Variants in ABCB5 observed in about 807,000 individuals in gnomAD.
The protein encoded by ABCB5 is ATP binding cassette subfamily B member 5.
In ABCB5, 155 loss-of-function variants were observed where a neutral mutation model predicts 144.2. The ratio of observed to expected loss-of-function variants is 1.08; its 90% CI spans 0.94 to 1.23. The LOEUF (loss-of-function observed/expected upper bound fraction) is 1.23, where lower values mean the gene tolerates loss of function less well. Among genes scored for constraint, ABCB5 ranks in the 50% most tolerant of loss-of-function variants. ABCB5 has a pLI of 0.00. For missense variants in ABCB5, 1,830 were observed against 1,520.8 expected, an observed-to-expected ratio of 1.20 and a Z score of -3.38; for synonymous variants, 610 against 528.6, an observed-to-expected ratio of 1.15 and a Z score of -2.11.
rs1784541675 is a variant in ABCB5 at position 20,650,265 on chromosome 7, G to A, written c.1332+118G>A. Reference sequence around the variant, plus strand: ...GTAGAGCTGGGAGAGAAGCCATATTGTTTTCTTTCCTTTGTATCCATTCAC... The same window carrying A: ...GTAGAGCTGGGAGAGAAGCCATATTATTTTCTTTCCTTTGTATCCATTCAC... On this transcript the variant is annotated intron_variant, in intron 12 of 27. Transcript: ENST00000404938. 9 of 1,331,966 alleles carry A rather than the reference G, an allele frequency of 6.8e-6. No individual in the cohort carries two copies. In the Admixed American group the frequency reaches 1.0e-4, roughly 15 times the overall value. 82.5% of individuals were successfully genotyped at this position (1,331,966 alleles called of 1,614,324 possible).
chr7:20,722,532 T>G (rs901749843), intron 20 of ABCB5, among the ~76,000 whole-genome samples: 3 of 152,212 alleles, frequency 2.0e-5, no homozygotes, highest in African/African-American at 4.8e-5. Flanking sequence ...ATCTCAATAT[T>G]GGACATCAAG....
At chr7:20,627,883 G>A (rs1783944586) in intron 3 of ABCB5, among the ~76,000 whole-genome samples, 1 of 152,232 alleles carries the variant, frequency 6.6e-6, no homozygotes, top group African/African-American at 2.4e-5. Context: ...TATTGTTGTT[G>A]CAGTCTTCAG....
intron 26 of ABCB5, among the ~76,000 whole-genome samples, chr7:20,749,581 A>G (rs1201171539): frequency 6.6e-6 from 1 of 151,860 alleles, no homozygotes; most frequent in African/African-American, 2.4e-5. Flanking sequence ...GCTACTGAGC[A>G]TTTCTTTGCA....
At chr7:20,618,839 A>G (rs1294643382) in intron 1 of ABCB5, among the ~76,000 whole-genome samples, 2 of 124,652 alleles carry the variant, frequency 1.6e-5, no homozygotes, top group Non-Finnish European at 3.1e-5. Context: ...CAGTGGCACG[A>G]TCTCAGCTCA....
rs1785975434 is a variant in ABCB5 at position 20,685,826 on chromosome 7, A to T, written c.2000A>T (p.Gln667Leu). The change falls in exon 16 of 28, where the codon CAA becomes CTA. Residue 667 changes from glutamine (Q) to leucine (L), a missense_variant. Coordinates refer to ENST00000404938, the MANE Select transcript of ABCB5 (RefSeq NM_001163941.2). Reference sequence around the variant, plus strand: ...ATTGACAAGGCTGAGGAATCCACCCAATCTAAAGAGGTAATGGCTCAGCGA... The same window carrying T: ...ATTGACAAGGCTGAGGAATCCACCCTATCTAAAGAGGTAATGGCTCAGCGA... ...DFIDKAEEST[Q>L]SKEISLPEVS... The T allele has an allele frequency of 2.5e-6, 4 of 1,607,178 alleles. No homozygotes were observed. The highest frequency in any genetic ancestry group is 1.3e-5 in the African/African-American group (1 of 74,736).
intron 14 of ABCB5, among the ~76,000 whole-genome samples, chr7:20,677,206 G>A (rs1439092195): frequency 6.6e-6 from 1 of 152,076 alleles, no homozygotes; most frequent in Non-Finnish European, 1.5e-5. Flanking sequence ...AAAATATAAA[G>A]GGAAATTTGA....
intron 5 of ABCB5, chr7:20,641,903 T>C (rs1283601951): frequency 6.6e-6 from 1 of 152,370 alleles, no homozygotes; most frequent in Non-Finnish European, 1.5e-5. Flanking sequence ...CAGAGAAAGT[T>C]GGTTGTTCTT....
Position 20,650,075 on chromosome 7 carries a change from C to A in ABCB5, c.1260C>A (p.Val420=). Reference sequence around the variant, plus strand: ...AGTCTGGAGAGACAGTCGCCTTGGTCGGTCTCAATGGCAGTGGGAAGAGTA... The same window carrying A: ...AGTCTGGAGAGACAGTCGCCTTGGTAGGTCTCAATGGCAGTGGGAAGAGTA... The part of the protein sequence containing the change: ...RIKSGETVAL[V]GLNGSGKSTV... The change falls in exon 12 of 28, where the codon GTC becomes GTA. Residue 420 remains valine, a synonymous_variant. Transcript: ENST00000404938. The A allele has an allele frequency of 6.2e-7, 1 of 1,613,490 alleles. No homozygotes were observed. Among genetic ancestry groups the A allele is most frequent in the Non-Finnish European group, 8.5e-7 (1 of 1,179,636 alleles).
chr7:20,677,819 T>A (rs943349571), intron 14 of ABCB5, among the ~76,000 whole-genome samples: 1 of 152,198 alleles, frequency 6.6e-6, no homozygotes, highest in Admixed American at 6.5e-5. Context: ...TTAATATCTG[T>A]TATGTGGGAA....
intron 20 of ABCB5, among the ~76,000 whole-genome samples, chr7:20,722,523 T>C (rs1781901606): frequency 6.6e-6 from 1 of 152,212 alleles, no homozygotes; most frequent in African/African-American, 2.4e-5. Context: ...CATTTGGACA[T>C]CTCAATATTG....
chr7:20,666,965 T>C, intron 14 of ABCB5: 1 of 984,428 alleles, frequency 1.0e-6, no homozygotes, highest in Non-Finnish European at 1.4e-6. Context: ...CTGAAGCAAT[T>C]ACAGTTGAAT....
In ABCB5 at chr7:20,650,019, T is replaced by A; in HGVS notation, c.1207-3T>A. 1 of 1,610,220 alleles carries A rather than the reference T, an allele frequency of 6.2e-7. No individual in the cohort carries two copies. Among genetic ancestry groups the A allele is most frequent in the South Asian group, 1.1e-5 (1 of 90,476 alleles). ...ATGATTTTCCCTCCATACATTCCAA[T>A]AGATTCTGAAAGGTCTGAATCTCAG... On this transcript the variant is annotated splice_polypyrimidine_tract_variant and splice_region_variant and intron_variant, in intron 11 of 27. Coordinates refer to ENST00000404938, the MANE Select transcript of ABCB5 (RefSeq NM_001163941.2).
chr7:20,687,687 T>C (rs1786046708), intron 16 of ABCB5, among the ~76,000 whole-genome samples: 1 of 152,168 alleles, frequency 6.6e-6, no homozygotes, highest in Non-Finnish European at 1.5e-5. Context: ...CAGACTGTGG[T>C]AATCCAGTGA....
chr7:20,620,069 T>C (rs1783777041), intron 1 of ABCB5, among the ~76,000 whole-genome samples: 1 of 152,216 alleles, frequency 6.6e-6, no homozygotes, highest in African/African-American at 2.4e-5. Context: ...TTTTGGTTAC[T>C]GTAGCCTTAT....
At chr7:20,684,011 C>T (rs554833738) in intron 15 of ABCB5, among the ~76,000 whole-genome samples, 2 of 152,126 alleles carry the variant, frequency 1.3e-5, no homozygotes, top group African/African-American at 4.8e-5. Flanking sequence ...CTCAGTGCAT[C>T]AATTTCCTAA....
intron 5 of ABCB5, among the ~76,000 whole-genome samples, chr7:20,638,612 G>C (rs1474101929): frequency 6.6e-6 from 1 of 152,166 alleles, no homozygotes; most frequent in Non-Finnish European, 1.5e-5. Flanking sequence ...TATATAATAT[G>C]TAAGGTTCTT....
intron 5 of ABCB5, among the ~76,000 whole-genome samples, chr7:20,642,172 G>C (rs777159184): frequency 1.3e-5 from 2 of 152,058 alleles, no homozygotes; most frequent in Non-Finnish European, 2.9e-5. Context: ...AAGATCTTCT[G>C]CTTCTCCTGG....
At chr7:20,619,924 T>C (rs1202408900) in intron 1 of ABCB5, among the ~76,000 whole-genome samples, 1 of 152,166 alleles carries the variant, frequency 6.6e-6, no homozygotes, top group African/African-American at 2.4e-5. Flanking sequence ...CACCATTTTT[T>C]GGAGTCATTT....
At chr7:20,727,277 A>G in intron 22 of ABCB5, 137 bp downstream of exon 22, 1 of 537,176 alleles carries the variant, frequency 1.9e-6, no homozygotes, top group Non-Finnish European at 3.2e-6. Context: ...ATAATTTCTC[A>G]TATGACTTCA....
Sources: gnomAD v4.1 joint callset for allele counts (sites outside exome capture counted in the v4.1 genomes callset) on GRCh38, gnomAD v4.1.1 for gene constraint, MANE v1.5 for transcripts, NCBI Gene and HGNC (gene_info 2026-07-23, HGNC 2026-07-21) for gene names.